NSD2: variants seen among roughly 807,000 people sequenced by gnomAD.
NSD2 encodes histone-lysine N-methyltransferase NSD2.
NSD2 carries 12 observed loss-of-function variants against 139.0 expected under a neutral mutation model. The observed-to-expected ratio is 0.09, with a 90% CI of 0.06 to 0.14. NSD2 has a LOEUF of 0.14. Ranked by LOEUF, NSD2 falls within the 10% of genes least tolerant of loss-of-function variation. The pLI is 1.00. For synonymous variants in NSD2, 669 were observed against 648.7 expected (o/e 1.03, Z -0.48); for missense variants, 1,155 against 1,745.0 (o/e 0.66, Z 6.02).
At chr4:1,885,092 A>G (rs1041544393) in intron 1 of NSD2, among the ~76,000 whole-genome samples, 1 of 151,886 alleles carries the variant, frequency 6.6e-6, no homozygotes, top group Non-Finnish European at 1.5e-5. Flanking sequence ...CCTAGGTGAC[A>G]AGAGCAAAAC....
chr4:1,938,303 A>C (rs1386565867), intron 7 of NSD2, 148 bp from the exon 8 acceptor site: 1 of 633,792 alleles, frequency 1.6e-6, no homozygotes, highest in Non-Finnish European at 2.4e-6. Flanking sequence ...TTCTGCCACG[A>C]AACTTTTCAG....
At chr4:1,873,746 G>C (rs1389644048) in intron 1 of NSD2, among the ~76,000 whole-genome samples, 1 of 152,192 alleles carries the variant, frequency 6.6e-6, no homozygotes, top group Non-Finnish European at 1.5e-5. Context: ...AAAAGTAGCT[G>C]GAATTAGGCT....
rs144904997 is a variant in NSD2 at position 1,945,389 on chromosome 4, GGT to G, written c.1881+5620_1881+5621del. On this transcript the variant is annotated intron_variant, in intron 9 of 21. Coordinates refer to ENST00000508803, the MANE Select transcript of NSD2 (RefSeq NM_001042424.3). ...CCTGGCCCTGGCCTTGCTTGCCCAT[GGT>G]GTGTGTGTCCAGAGGTGTGTGTGAG... is the stretch of plus-strand genomic sequence containing the variant. 14,486 of 1,064,942 alleles carry G rather than the reference GGT, an allele frequency of 0.014. 1,475 individuals carry two copies. In the African/African-American group the frequency reaches 0.22, roughly 16 times the overall value. The allele number at this position is 1,064,942 out of a possible 1,614,324, so 66.0% of individuals were successfully genotyped here. A position where few individuals can be genotyped will look rare whatever the true frequency, so the allele number is the denominator to read the frequency against.
intron 18 of NSD2, among the ~76,000 whole-genome samples, chr4:1,970,812 G>A (rs188918923): frequency 6.6e-6 from 1 of 152,158 alleles, no homozygotes; most frequent in Non-Finnish European, 1.5e-5. Flanking sequence ...AGGCTGACGG[G>A]TCACATAAAG....
chr4:1,886,753 G>T (rs763371145), intron 1 of NSD2, among the ~76,000 whole-genome samples: 4 of 152,092 alleles, frequency 2.6e-5, no homozygotes, highest in African/African-American at 9.6e-5. Flanking sequence ...CAGGGTACTC[G>T]CTTGAACCTG....
chr4:1,933,176 G>A (rs1386402993), intron 6 of NSD2, among the ~76,000 whole-genome samples: 1 of 152,250 alleles, frequency 6.6e-6, no homozygotes, highest in East Asian at 1.9e-4. Flanking sequence ...CGCTTTGGCT[G>A]CTGACTCTTC....
rs973818157 is a variant in NSD2 at position 1,956,303 on chromosome 4, T to G, written c.2881+115T>G. The G allele has an allele frequency of 8.5e-6, 8 of 942,390 alleles. No homozygotes were observed. The Admixed American group carries it at 9.9e-5, about 12-fold the overall frequency. 58.4% of individuals were successfully genotyped at this position (942,390 alleles called of 1,614,324 possible). On this transcript the variant is annotated intron_variant, in intron 15 of 21. Coordinates refer to ENST00000508803, the MANE Select transcript of NSD2 (RefSeq NM_001042424.3). The surrounding 1 kb of genome is among the most constrained non-coding windows in gnomAD (Gnocchi z 5.3). Reference sequence around the variant, plus strand: ...AAAATACTGGACTAAGCATTCAATCTGTTTTTTTAAATTAGGAAAATGTTT... The same window carrying G: ...AAAATACTGGACTAAGCATTCAATCGGTTTTTTTAAATTAGGAAAATGTTT...
At chr4:1,905,662 C>T (rs1475826838) in intron 3 of NSD2, among the ~76,000 whole-genome samples, 2 of 152,188 alleles carry the variant, frequency 1.3e-5, no homozygotes, top group East Asian at 1.9e-4. Flanking sequence ...AGGCTGAGGA[C>T]GAAGAGGACT....
rs563410143 is a variant in NSD2 at position 1,916,527 on chromosome 4, G to C, written c.761-344G>C. Reference sequence around the variant, plus strand: ...CACCCGGCTAATTTTTGCATTTTTCGTAGAGATGGGCTTTTGCCATGTTGC... The same window carrying C: ...CACCCGGCTAATTTTTGCATTTTTCCTAGAGATGGGCTTTTGCCATGTTGC... On this transcript the variant is annotated intron_variant, in intron 3 of 21. Coordinates refer to ENST00000508803, the MANE Select transcript of NSD2 (RefSeq NM_001042424.3). Among the ~76,000 whole-genome samples the C allele has an allele frequency of 2.6e-5, 4 of 152,202 alleles. No homozygotes were observed. In the South Asian group the frequency reaches 8.3e-4, roughly 32 times the overall value.
intron 11 of NSD2, among the ~76,000 whole-genome samples, chr4:1,952,444 C>T (rs2108946877): frequency 6.6e-6 from 1 of 152,324 alleles, no homozygotes; most frequent in African/African-American, 2.4e-5. Flanking sequence ...CGTATGTGCC[C>T]CCTTGGTACC....
At chr4:1,908,829 G>C (rs981093806) in intron 3 of NSD2, among the ~76,000 whole-genome samples, 1 of 152,104 alleles carries the variant, frequency 6.6e-6, no homozygotes, top group Non-Finnish European at 1.5e-5. Context: ...GTCCAGGCTA[G>C]AGTACAGTGG....
chr4:1,969,130 C>T (rs550472006), intron 18 of NSD2, among the ~76,000 whole-genome samples: 3 of 152,282 alleles, frequency 2.0e-5, no homozygotes, highest in East Asian at 1.9e-4. Context: ...CTGCCCCCAG[C>T]GGCGCTGAGA....
intron 17 of NSD2, 146 bp downstream of exon 17, chr4:1,959,886 G>A (rs966698302): frequency 1.0e-6 from 1 of 980,906 alleles, no homozygotes; most frequent in Non-Finnish European, 1.5e-6. Flanking sequence ...TTTGAGACAG[G>A]GTCTCACTCT....
chr4:1,901,488 G>A (rs1339660780), intron 2 of NSD2, among the ~76,000 whole-genome samples: 1 of 152,224 alleles, frequency 6.6e-6, no homozygotes, highest in Non-Finnish European at 1.5e-5. Flanking sequence ...AGAGAGGTGA[G>A]CTAAGTGTTC....
Position 1,935,232 on chromosome 4 carries a change from A to G in NSD2, c.1644A>G (p.Arg548=). The change falls in exon 7 of 22, where the codon AGA becomes AGG. Residue 548 remains arginine, a synonymous_variant. Coordinates refer to ENST00000508803, the MANE Select transcript of NSD2 (RefSeq NM_001042424.3). ...DAEAEDTPRK[R]LRTDKHSLRK... is the part of the protein sequence containing the mutation. ...AAGCTGAGGACACACCCAGGAAAAG[A>G]CTCAGGACGGACAAGCACAGTCTTC... The G allele has an allele frequency of 6.2e-7, 1 of 1,613,402 alleles. No homozygotes were observed. The highest frequency in any genetic ancestry group is 1.3e-5 in the African/African-American group (1 of 74,976).
At chr4:1,929,167 G>T (rs1168009664) in intron 5 of NSD2, among the ~76,000 whole-genome samples, 1 of 152,076 alleles carries the variant, frequency 6.6e-6, no homozygotes, top group Non-Finnish European at 1.5e-5. Flanking sequence ...GAGGACAAGA[G>T]GGAGTGGAGC....
intron 5 of NSD2, among the ~76,000 whole-genome samples, chr4:1,919,734 C>G (rs575110730): frequency 6.6e-6 from 1 of 152,172 alleles, no homozygotes; most frequent in South Asian, 2.1e-4. Context: ...GAATTTGAGA[C>G]TATCCTGGCC....
chr4:1,910,680 G>A (rs1377335328), intron 3 of NSD2, among the ~76,000 whole-genome samples: 1 of 152,106 alleles, frequency 6.6e-6, no homozygotes, highest in African/African-American at 2.4e-5. Flanking sequence ...TGGCTTTCTC[G>A]TGTCTTGTGC....
chr4:1,960,786 G>A (rs1221324186), intron 17 of NSD2, among the ~76,000 whole-genome samples: 1 of 152,252 alleles, frequency 6.6e-6, no homozygotes, highest in African/African-American at 2.4e-5. Flanking sequence ...ACAAGGTCGT[G>A]TAGGAAGCAA....
Sources: allele counts gnomAD v4.1 joint callset (sites outside exome capture counted in the v4.1 genomes callset), GRCh38; gene constraint gnomAD v4.1.1; non-coding constraint Gnocchi (gnomAD v3.1); transcripts MANE v1.5; gene names NCBI Gene and HGNC (gene_info 2026-07-23, HGNC 2026-07-21).